LMF1: variants seen among roughly 807,000 people sequenced by gnomAD.
LMF1 encodes lipase maturation factor 1, also known as transmembrane protein 112.
In LMF1, 68 loss-of-function variants were observed where a neutral mutation model predicts 60.6. The ratio of observed to expected loss-of-function variants is 1.12; its 90% CI spans 0.92 to 1.37. The LOEUF (loss-of-function observed/expected upper bound fraction) is 1.37. Among genes scored for constraint, LMF1 ranks in the 40% most tolerant of loss-of-function variants. The pLI is 0.00. For missense variants in LMF1, 948 were observed against 767.2 expected, an observed-to-expected ratio of 1.24 and a Z score of -2.78; for synonymous variants, 418 against 324.7, an observed-to-expected ratio of 1.29 and a Z score of -3.09.
At chr16:910,789 G>C (rs544510167) in intron 4 of LMF1, 142 bp downstream of exon 4, 3 of 987,862 alleles carry the variant, frequency 3.0e-6, no homozygotes, top group Admixed American at 4.8e-5. Flanking sequence ...GGGCAGAAGA[G>C]TGCGCAGCTG....
chr16:912,129 G>C (rs1015632290), intron 3 of LMF1, among the ~76,000 whole-genome samples: 1 of 152,168 alleles, frequency 6.6e-6, no homozygotes, highest in African/African-American at 2.4e-5. Context: ...GAGGCCACCC[G>C]CTGCCCAGCA....
chr16:889,612 C>T (rs1026034556), intron 5 of LMF1, among the ~76,000 whole-genome samples: 10 of 152,142 alleles, frequency 6.6e-5, no homozygotes, highest in Non-Finnish European at 4.4e-5. Flanking sequence ...AAGAAAGGGG[C>T]ACCCCCCTCT....
chr16:859,908 C>CAGTGGTGTCACGGGATCGGTGTG (rs1442806935), intron 10 of LMF1, among the ~76,000 whole-genome samples: 2 of 102,422 alleles, frequency 2.0e-5, no homozygotes, highest in Admixed American at 9.2e-5. Flanking sequence ...GATGGGTGTG[C>CAGTGGTGTCACGGGATCGGTGTG]AGTGGTGTCA....
upstream of LMF1, chr16:971,000 CCGGAGGCCCCGCCCATTCT>C (rs36202798): frequency 0.15 from 208,327 of 1,413,564 alleles, 20,254 homozygotes; most frequent in South Asian, 0.28. Context: ...GGGCGCACTC[CCGGAGGCCCCGCCCATTCT>C]CGGAGGCCCC....
At chr16:954,174 A>G (rs893306113) in intron 2 of LMF1, 183 bp downstream of exon 2, 15 of 718,384 alleles carry the variant, frequency 2.1e-5, no homozygotes, top group African/African-American at 2.1e-4. Context: ...AATCCTGAAG[A>G]TGGGTGGCTG....
intron 6 of LMF1, 168 bp from the exon 7 acceptor site, chr16:871,509 GAGGGGAC>G (rs2069792749): frequency 1.5e-6 from 1 of 672,632 alleles, no homozygotes; most frequent in Non-Finnish European, 2.5e-6. Flanking sequence ...TGCCTTCATG[GAGGGGAC>G]AGCAGATGCC....
chr16:930,914 A>G (rs2071762949), intron 3 of LMF1, among the ~76,000 whole-genome samples: 1 of 152,302 alleles, frequency 6.6e-6, no homozygotes, highest in South Asian at 2.1e-4. Context: ...TGAGGTCAGG[A>G]GTTGGAGACC....
intron 1 of LMF1, chr16:980,249 C>A: frequency 6.0e-6 from 1 of 165,532 alleles, no homozygotes; most frequent in Non-Finnish European, 1.3e-5. Context: ...CCGGTTGTTC[C>A]CAATGCAAAG....
chr16:856,868 G>C (rs959911573), intron 10 of LMF1, among the ~76,000 whole-genome samples: 7 of 152,252 alleles, frequency 4.6e-5, no homozygotes, highest in African/African-American at 1.7e-4. Flanking sequence ...TGGGCATCTT[G>C]CACAGCTATA....
Position 962,750 on chromosome 16 carries a change from G to A in LMF1, c.193+8038C>T, listed in dbSNP as rs7187700. 0.29 allele frequency among the ~76,000 whole-genome samples: 44,161 copies of A among 152,136 alleles called. 7,368 individuals carry two copies. Among genetic ancestry groups the A allele is most frequent in the African/African-American group, 0.47 (19,341 of 41,482 alleles). On this transcript the variant is annotated intron_variant, in intron 1 of 10. Coordinates refer to ENST00000262301, the MANE Select transcript of LMF1 (RefSeq NM_022773.4). This position sits in a 1 kb window ranked among gnomAD's most constrained non-coding sequence, Gnocchi z 4.5. ...AGGGAGGAGACGCCAGGACAAAACC[G>A]GGTCCCAGAACGGAACAGGCACGGG... is the stretch of plus-strand genomic sequence containing the variant.
At chr16:969,888 T>G (rs1203912908) in intron 1 of LMF1, among the ~76,000 whole-genome samples, 1 of 152,174 alleles carries the variant, frequency 6.6e-6, no homozygotes, top group African/African-American at 2.4e-5. Context: ...TTCTGGGTTG[T>G]AGGGACTGGG....
At chr16:981,360 G>A, upstream of LMF1, 1 of 293,326 alleles carries the variant, frequency 3.4e-6, no homozygotes, top group South Asian at 2.4e-5. Flanking sequence ...GTGTGTGTGT[G>A]TGTGTGTGTG....
In LMF1 at chr16:860,030, G is replaced by A. The variant is rs564994552; in HGVS notation, c.1530-5324C>T. Among the ~76,000 whole-genome samples the A allele has an allele frequency of 2.0e-5, 3 of 150,612 alleles. 1 individual carries two copies. The East Asian group carries it at 5.8e-4, about 29-fold the overall frequency. ...CTCTAATGACAGGCATTTCTCCTGA[G>A]CTTATCTGTCATCTGTGCACCTTCT... On this transcript the variant is annotated intron_variant, in intron 10 of 10. Coordinates refer to ENST00000262301, the MANE Select transcript of LMF1 (RefSeq NM_022773.4).
intron 3 of LMF1, chr16:931,534 C>T (rs889244051): frequency 1.3e-5 from 12 of 950,356 alleles, no homozygotes; most frequent in East Asian, 1.3e-4. Flanking sequence ...CAGGCCGTCC[C>T]GAACGAGGCC....
intron 3 of LMF1, among the ~76,000 whole-genome samples, chr16:924,925 G>A (rs1286623088): frequency 6.6e-6 from 1 of 152,262 alleles, no homozygotes; most frequent in East Asian, 1.9e-4. Context: ...CCAGGCGGGA[G>A]AACGGATGCA....
At chr16:857,155 G>A (rs1039905453) in intron 10 of LMF1, among the ~76,000 whole-genome samples, 8 of 152,220 alleles carry the variant, frequency 5.3e-5, no homozygotes, top group Admixed American at 4.6e-4. Context: ...TAGTTTGTGC[G>A]GTCGCTCTCT....
rs566919576 is a variant in LMF1 at position 934,467 on chromosome 16, A to G, written c.504-213T>C. The G allele has an allele frequency of 6.8e-5, 40 of 589,786 alleles. No individual in the cohort carries two copies. In the South Asian group the frequency reaches 7.3e-4, roughly 11 times the overall value. The allele number at this position is 589,786 out of a possible 1,614,324, so 36.5% of individuals were successfully genotyped here. A position where few individuals can be genotyped will look rare whatever the true frequency, so the allele number is the denominator to read the frequency against. On this transcript the variant is annotated intron_variant, in intron 2 of 10. Transcript: ENST00000262301. ...CAGGCCCAGAACAGGCAACCAAAAC[A>G]TATTCCAAGATACACCTACTAAGTA...
chr16:869,439 T>C, intron 9 of LMF1: 1 of 546,566 alleles, frequency 1.8e-6, no homozygotes, highest in Non-Finnish European at 3.5e-6. Flanking sequence ...ATTCCTTCTT[T>C]CCTGTTCGCT....
intron 5 of LMF1, among the ~76,000 whole-genome samples, chr16:887,724 G>C (rs1220722664): frequency 1.3e-5 from 2 of 152,186 alleles, no homozygotes; most frequent in African/African-American, 4.8e-5. Context: ...GGGTGAGCAG[G>C]GTGGTCGCAG....
Sources: gnomAD v4.1 joint callset for allele counts (sites outside exome capture counted in the v4.1 genomes callset) on GRCh38, gnomAD v4.1.1 for gene constraint, Gnocchi (gnomAD v3.1) non-coding constraint, MANE v1.5 for transcripts, NCBI Gene and HGNC (gene_info 2026-07-23, HGNC 2026-07-21) for gene names.